HSDL2: variants seen among roughly 807,000 people sequenced by gnomAD.
HSDL2 encodes hydroxysteroid dehydrogenase-like protein 2.
A neutral mutation model predicts 46.3 loss-of-function variants in HSDL2; 27 were observed. That is an observed-to-expected ratio of 0.58 (90% confidence interval 0.43 to 0.80). The LOEUF (loss-of-function observed/expected upper bound fraction) is 0.80. HSDL2 is among the 30% of genes least tolerant of loss of function. HSDL2 has a pLI of 0.00. For synonymous variants in HSDL2, 153 were observed against 163.6 expected (o/e 0.94, Z 0.50); for missense variants, 451 against 502.7 (o/e 0.90, Z 0.98).
At chr9:112,410,095 T>C (rs1051899195) in intron 4 of HSDL2, among the ~76,000 whole-genome samples, 4 of 152,184 alleles carry the variant, frequency 2.6e-5, no homozygotes, top group African/African-American at 9.6e-5. Flanking sequence ...TCACACTTTA[T>C]TGTAACCAAT....
chr9:112,401,749 GA>G (rs1831601410), intron 1 of HSDL2, among the ~76,000 whole-genome samples: 1 of 152,070 alleles, frequency 6.6e-6, no homozygotes, highest in Non-Finnish European at 1.5e-5. Context: ...AGTTGGAGAG[GA>G]ATATACAGGC....
intron 1 of HSDL2, among the ~76,000 whole-genome samples, chr9:112,384,602 G>T (rs539777350): frequency 6.6e-6 from 1 of 151,910 alleles, no homozygotes; most frequent in East Asian, 1.9e-4. Context: ...GAGCCCAGGA[G>T]GTTGACGCTG....
rs984107766 is a variant in HSDL2 at position 112,472,092 on chromosome 9, A to C, written c.*1548A>C. 4.6e-5 allele frequency: 7 copies of C among 152,230 alleles called. No individual in the cohort carries two copies. Among genetic ancestry groups the C allele is most frequent in the African/African-American group, 1.4e-4 (6 of 41,450 alleles). 9.4% of individuals were successfully genotyped at this position (152,230 alleles called of 1,614,324 possible). On this transcript the variant is annotated 3_prime_UTR_variant, in exon 11 of 11. Coordinates refer to ENST00000398805, the MANE Select transcript of HSDL2 (RefSeq NM_032303.5). Reference sequence around the variant, plus strand: ...TCCAGGAATGGAGTCCATGTAATCAAAGTGAACTTAAAAATAGGACAGTTT... The same window carrying C: ...TCCAGGAATGGAGTCCATGTAATCACAGTGAACTTAAAAATAGGACAGTTT...
intron 6 of HSDL2, among the ~76,000 whole-genome samples, chr9:112,436,002 C>T (rs565751293): frequency 3.3e-5 from 5 of 151,648 alleles, no homozygotes; most frequent in South Asian, 2.1e-4. Context: ...GGGCTGGACA[C>T]GGTGGCTCAC....
intron 1 of HSDL2, 105 bp downstream of exon 1, chr9:112,380,285 T>G (rs1587920716): frequency 3.7e-6 from 4 of 1,090,588 alleles, no homozygotes; most frequent in Non-Finnish European, 5.2e-6. Flanking sequence ...CTGTGGGAGG[T>G]CAAGGATACT....
At chr9:112,415,469 A>G (rs1028496470) in intron 4 of HSDL2, among the ~76,000 whole-genome samples, 14 of 152,162 alleles carry the variant, frequency 9.2e-5, no homozygotes, top group Non-Finnish European at 2.1e-4. Flanking sequence ...ATGCTATACA[A>G]TTTTCCCAGG....
At chr9:112,444,927 G>GCTCGGGC (rs1301289089) in intron 8 of HSDL2, among the ~76,000 whole-genome samples, 2 of 149,664 alleles carry the variant, frequency 1.3e-5, no homozygotes, top group Non-Finnish European at 3.0e-5. Flanking sequence ...GCCCAAGCTG[G>GCTCGGGC]AGTGCAGTGG....
Position 112,471,617 on chromosome 9 carries a change from CAGG to C in HSDL2, c.*1076_*1078del, listed in dbSNP as rs1833576839. 1 of 152,222 alleles carries C rather than the reference CAGG, an allele frequency of 6.6e-6. No individual in the cohort carries two copies. The highest frequency in any genetic ancestry group is 1.5e-5 in the Non-Finnish European group (1 of 68,100). 9.4% of individuals were successfully genotyped at this position (152,222 alleles called of 1,614,324 possible). A position where few individuals can be genotyped will look rare whatever the true frequency, so the allele number is the denominator to read the frequency against. ...CCGACGCAGGAGGATTGCTTGAGGC[CAGG>C]AGTTCAAGGCCAGCCTGGACAACAT... On this transcript the variant is annotated 3_prime_UTR_variant, in exon 11 of 11. Coordinates refer to ENST00000398805, the MANE Select transcript of HSDL2 (RefSeq NM_032303.5).
At chr9:112,436,961 T>TTTC (rs3983400) in intron 6 of HSDL2, among the ~76,000 whole-genome samples, 2 of 33,642 alleles carry the variant, frequency 5.9e-5, no homozygotes, top group Non-Finnish European at 6.8e-5. Context: ...TCTTTTTTTC[T>TTTC]TTTTTTTTTT....
chr9:112,470,586 T>C lies in HSDL2; in HGVS notation c.*42T>C, dbSNP rs1564139527. On this transcript the variant is annotated 3_prime_UTR_variant, in exon 11 of 11. Coordinates refer to ENST00000398805, the MANE Select transcript of HSDL2 (RefSeq NM_032303.5). Reference sequence around the variant, plus strand: ...AAAGTCGACTGCTATGCTCAAAAAGTAAAAAAAGCTCAACAGTTAAAATCT... The same window carrying C: ...AAAGTCGACTGCTATGCTCAAAAAGCAAAAAAAGCTCAACAGTTAAAATCT... The C allele has an allele frequency of 1.9e-6, 2 of 1,064,498 alleles. No homozygotes were observed. Among genetic ancestry groups the C allele is most frequent in the East Asian group, 4.9e-5 (2 of 40,558 alleles). The allele number at this position is 1,064,498 out of a possible 1,614,324, so 65.9% of individuals were successfully genotyped here.
intron 8 of HSDL2, among the ~76,000 whole-genome samples, chr9:112,442,167 G>A (rs1206654356): frequency 6.6e-6 from 1 of 151,428 alleles, no homozygotes; most frequent in African/African-American, 2.4e-5. Context: ...TACTCAGGAG[G>A]CTGAGGTGGG....
At chr9:112,467,597 T>C (rs974866589) in intron 10 of HSDL2, among the ~76,000 whole-genome samples, 8 of 152,188 alleles carry the variant, frequency 5.3e-5, no homozygotes, top group African/African-American at 1.9e-4. Context: ...CCTCATGATT[T>C]CACCTAAACC....
At position 112,441,780 on chromosome 9, in the gene HSDL2, A is replaced by G; in HGVS notation, c.865+10A>G. On this transcript the variant is annotated intron_variant, in intron 8 of 10. Transcript: ENST00000398805. ...AAAGTGGAATCAACTGGTAAGATCTAGACTATATTTTATGTTAGAAAATAT... is the reference window on the plus strand; with the variant it reads ...AAAGTGGAATCAACTGGTAAGATCTGGACTATATTTTATGTTAGAAAATAT... The G allele has an allele frequency of 6.7e-7, 1 of 1,499,832 alleles. No homozygotes were observed. 92.9% of individuals were successfully genotyped at this position (1,499,832 alleles called of 1,614,324 possible).
rs1220587092 is a variant in HSDL2, at chr9:112,438,575, T to C, written c.743T>C (p.Ile248Thr). Residue 248 changes from isoleucine (I) to threonine (T), a missense_variant, in exon 7 of 11, where the codon ATC becomes ACC. Coordinates refer to ENST00000398805, the MANE Select transcript of HSDL2 (RefSeq NM_032303.5). ...GGCAACTTTGTCATTGATGAAAATATCTTAAAAGAAGAAGGAATAGAAAAT... is the reference window on the plus strand; with the variant it reads ...GGCAACTTTGTCATTGATGAAAATACCTTAAAAGAAGAAGGAATAGAAAAT... ...FTGNFVIDEN[I>T]LKEEGIENFD... 18 of 1,609,846 alleles carry C rather than the reference T, an allele frequency of 1.1e-5. No individual in the cohort carries two copies. The highest frequency in any genetic ancestry group is 1.5e-5 in the Non-Finnish European group (18 of 1,177,956).
intron 3 of HSDL2, among the ~76,000 whole-genome samples, chr9:112,408,070 C>T (rs1220751326): frequency 6.6e-6 from 1 of 152,154 alleles, no homozygotes. Flanking sequence ...AATTGATCCA[C>T]TTTGATGATC....
chr9:112,448,081 T>G (rs1004186501), intron 8 of HSDL2, among the ~76,000 whole-genome samples: 7 of 152,224 alleles, frequency 4.6e-5, no homozygotes, highest in African/African-American at 1.7e-4. Context: ...TTTTGTCACC[T>G]CTTACTTTCC....
chr9:112,404,259 G>C, intron 2 of HSDL2, 101 bp downstream of exon 2: 1 of 1,140,334 alleles, frequency 8.8e-7, no homozygotes, highest in Non-Finnish European at 1.2e-6. Flanking sequence ...AAGCTACCCT[G>C]AACATAATTT....
chr9:112,390,877 C>A (rs1045572433), intron 1 of HSDL2, among the ~76,000 whole-genome samples: 4 of 152,066 alleles, frequency 2.6e-5, no homozygotes, highest in Non-Finnish European at 4.4e-5. Flanking sequence ...ATTATAAATT[C>A]TTTAACAAAT....
chr9:112,431,311 T>A (rs1422906596), intron 6 of HSDL2, among the ~76,000 whole-genome samples: 1 of 151,720 alleles, frequency 6.6e-6, no homozygotes, highest in African/African-American at 2.4e-5. Context: ...ATAGAACATA[T>A]AAAAAGCCAC....
Sources: gnomAD v4.1 joint callset for allele counts (sites outside exome capture counted in the v4.1 genomes callset) on GRCh38, gnomAD v4.1.1 for gene constraint, MANE v1.5 for transcripts, NCBI Gene and HGNC (gene_info 2026-07-23, HGNC 2026-07-21) for gene names.